Variants in TBC1D10A observed in about 807,000 individuals in gnomAD.
TBC1D10A encodes the protein TBC1 domain family member 10A.
TBC1D10A carries 24 observed loss-of-function variants against 52.9 expected under a neutral mutation model. The ratio of observed to expected loss-of-function variants is 0.45; its 90% CI spans 0.33 to 0.64. The LOEUF is 0.64. TBC1D10A is among the 30% of genes least tolerant of loss of function. The pLI is 0.02. For synonymous variants in TBC1D10A, 278 were observed against 282.9 expected (o/e 0.98, Z 0.17); for missense variants, 602 against 687.9 (o/e 0.88, Z 1.40).
At chr22:30,321,303 C>T (rs1930647518) in intron 1 of TBC1D10A, among the ~76,000 whole-genome samples, 1 of 152,184 alleles carries the variant, frequency 6.6e-6, no homozygotes, top group Non-Finnish European at 1.5e-5. Context: ...CAAATGCCTC[C>T]TTCCAGATGG....
intron 2 of TBC1D10A, among the ~76,000 whole-genome samples, chr22:30,302,027 C>T (rs750542094): frequency 7.9e-5 from 12 of 152,188 alleles, no homozygotes; most frequent in Non-Finnish European, 1.6e-4. Flanking sequence ...AAGAGGCAGC[C>T]CCACATCATC....
In TBC1D10A at chr22:30,292,340, TGGAGACCCC is replaced by T; in HGVS notation, c.*26_*34del. 6.6e-7 allele frequency: 1 copy of T among 1,506,802 alleles called. No individual in the cohort carries two copies. Among genetic ancestry groups the T allele is most frequent in the Non-Finnish European group, 8.9e-7 (1 of 1,123,486 alleles). The allele number at this position is 1,506,802 out of a possible 1,614,324, so 93.3% of individuals were successfully genotyped here. The stretch of plus-strand genomic sequence containing the variant: ...TCAGTTCATGAACCGTGTAGTTATA[TGGAGACCCC>T]GCCCTGGAGGCCTTAGCTGCCAGGG... On this transcript the variant is annotated 3_prime_UTR_variant, in exon 9 of 9. Coordinates refer to ENST00000215790, the MANE Select transcript of TBC1D10A (RefSeq NM_031937.3).
chr22:30,293,046 T>C, intron 8 of TBC1D10A, 195 bp from the exon 9 acceptor site: 1 of 640,384 alleles, frequency 1.6e-6, no homozygotes, highest in Non-Finnish European at 2.7e-6. Flanking sequence ...GCTGGACACT[T>C]GAGACCCACC....
chr22:30,293,257 C>T, intron 8 of TBC1D10A: 1 of 604,712 alleles, frequency 1.7e-6, no homozygotes, highest in Non-Finnish European at 3.2e-6. Flanking sequence ...AGTGATTCTG[C>T]CTCTGTGAGC....
chr22:30,305,041 G>T (rs1045206168), intron 1 of TBC1D10A, among the ~76,000 whole-genome samples: 1 of 152,230 alleles, frequency 6.6e-6, no homozygotes, highest in Non-Finnish European at 1.5e-5. Context: ...AACGAGTACA[G>T]AAATAATATG....
Position 30,292,337 on chromosome 22 carries a change from A to G in TBC1D10A, c.*38T>C. On this transcript the variant is annotated 3_prime_UTR_variant, in exon 9 of 9. Transcript: ENST00000215790. ...ATGTCAGTTCATGAACCGTGTAGTT[A>G]TATGGAGACCCCGCCCTGGAGGCCT... 6.7e-7 allele frequency: 1 copy of G among 1,499,470 alleles called. No individual in the cohort carries two copies. Among genetic ancestry groups the G allele is most frequent in the Non-Finnish European group, 9.0e-7 (1 of 1,117,230 alleles). The allele number at this position is 1,499,470 out of a possible 1,614,324, so 92.9% of individuals were successfully genotyped here.
At position 30,292,374 on chromosome 22, in the gene TBC1D10A, G is replaced by C; in HGVS notation, c.*1C>G. The C allele has an allele frequency of 2.0e-6, 3 of 1,535,988 alleles. No homozygotes were observed. The highest frequency in any genetic ancestry group is 2.6e-6 in the Non-Finnish European group (3 of 1,141,178). On this transcript the variant is annotated 3_prime_UTR_variant, in exon 9 of 9. Transcript: ENST00000215790. ...CGCCCTGGAGGCCTTAGCTGCCAGG[G>C]TTACAAGTAGGTGTCCTCACTCTCT...
intron 3 of TBC1D10A, chr22:30,296,295 T>C (rs893501134): frequency 1.8e-5 from 3 of 163,126 alleles, no homozygotes; most frequent in African/African-American, 4.8e-5. Flanking sequence ...CCTCCAGAGA[T>C]AGGACCTATC....
intron 1 of TBC1D10A, among the ~76,000 whole-genome samples, chr22:30,317,944 G>A (rs1467236167): frequency 1.3e-5 from 2 of 152,174 alleles, no homozygotes; most frequent in East Asian, 1.9e-4. Context: ...CCATGGTTGG[G>A]TGAGGGATGT....
At chr22:30,309,531 T>C (rs924699172) in intron 1 of TBC1D10A, among the ~76,000 whole-genome samples, 23 of 152,274 alleles carry the variant, frequency 1.5e-4, no homozygotes, top group African/African-American at 5.5e-4. Flanking sequence ...GCCAGGGCAA[T>C]CTGCCATTTG....
chr22:30,326,553 G>T, intron 1 of TBC1D10A, 120 bp downstream of exon 1: 1 of 958,772 alleles, frequency 1.0e-6, no homozygotes, highest in South Asian at 1.8e-5. Flanking sequence ...GGGAGGGAAC[G>T]GGGATTAGTG....
At chr22:30,321,756 AAGG>A (rs1930656475) in intron 1 of TBC1D10A, among the ~76,000 whole-genome samples, 1 of 151,468 alleles carries the variant, frequency 6.6e-6, no homozygotes. Context: ...CACATAGGAA[AAGG>A]AGAAGAAGGT....
intron 8 of TBC1D10A, 73 bp from the exon 9 acceptor site, chr22:30,292,924 C>A: frequency 1.3e-6 from 2 of 1,525,576 alleles, no homozygotes; most frequent in South Asian, 1.2e-5. Flanking sequence ...CAGCCTGGGC[C>A]CCCAGTCTTC....
Position 30,294,087 on chromosome 22 carries a change from CT to C in TBC1D10A, c.728del (p.Glu243GlyfsTer29). The stretch of plus-strand genomic sequence containing the variant: ...CCTTCTGCAACAGCGAGAAAAGGAT[CT>C]CCCCGTCCAGCTGGATCGCCTCCTA... ...EKLEAIQLDGEILFSLLQKVS... is the reference protein window; with the variant it reads ...EKLEAIQLDGXILFSLLQKVS... On this transcript the variant is annotated frameshift_variant, in exon 7 of 9. Coordinates refer to ENST00000215790, the MANE Select transcript of TBC1D10A (RefSeq NM_031937.3). LOFTEE classifies it high-confidence loss of function. 1 of 1,613,996 alleles carries C rather than the reference CT, an allele frequency of 6.2e-7. No homozygotes were observed. The highest frequency in any genetic ancestry group is 8.5e-7 in the Non-Finnish European group (1 of 1,180,000).
chr22:30,312,980 GA>G (rs1159605198), intron 1 of TBC1D10A, among the ~76,000 whole-genome samples: 1 of 152,236 alleles, frequency 6.6e-6, no homozygotes, highest in African/African-American at 2.4e-5. Flanking sequence ...GGAGCATGTA[GA>G]AGGGGCTAGG....
intron 1 of TBC1D10A, among the ~76,000 whole-genome samples, chr22:30,321,055 G>A (rs5753065): frequency 0.044 from 6,681 of 152,240 alleles, 222 homozygotes; most frequent in East Asian, 0.15. Context: ...CATCAAGTAG[G>A]TGCTACCATC....
chr22:30,292,688 TG>T lies in TBC1D10A; in HGVS notation c.1213del (p.Gln405AsnfsTer10). The T allele has an allele frequency of 6.2e-7, 1 of 1,608,558 alleles. No individual in the cohort carries two copies. On this transcript the variant is annotated frameshift_variant, in exon 9 of 9. Coordinates refer to ENST00000215790, the MANE Select transcript of TBC1D10A (RefSeq NM_031937.3). LOFTEE classifies it low-confidence loss of function (END_TRUNC). ...GGGCAGGCGGATGGATGGTGAAGGT[TG>T]TAGGGCAGGCCGGGGACCAGGTTCT... is the stretch of plus-strand genomic sequence containing the variant. ...DAEPGPRPALQPSPSIRLPLD... is the reference protein window; with the variant it reads ...DAEPGPRPALXPSPSIRLPLD...
chr22:30,313,341 ATGTGTGTGTGTG>A lies in TBC1D10A; in HGVS notation c.210-8723_210-8712del, dbSNP rs6147586. Among the ~76,000 whole-genome samples, 109 of 138,110 alleles carry A rather than the reference ATGTGTGTGTGTG, an allele frequency of 7.9e-4. 1 individual carries two copies. Among genetic ancestry groups the A allele is most frequent in the Middle Eastern group, 3.5e-3 (1 of 286 alleles). The allele number at this position is 138,110 out of a possible 152,430, so 90.6% of individuals were successfully genotyped here. A position where few individuals can be genotyped will look rare whatever the true frequency, so the allele number is the denominator to read the frequency against. ...CTGATACCTAGCTGGTGCTCAATAAATGTGTGTGTGTGTGTGTGTGTGTGTGTGTGTGTGTGT... is the reference window on the plus strand; with the variant it reads ...CTGATACCTAGCTGGTGCTCAATAAATGTGTGTGTGTGTGTGTGTGTGTGT... On this transcript the variant is annotated intron_variant, in intron 1 of 8. Coordinates refer to ENST00000215790, the MANE Select transcript of TBC1D10A (RefSeq NM_031937.3).
chr22:30,326,125 G>C (rs1053010069), intron 1 of TBC1D10A, among the ~76,000 whole-genome samples: 1 of 151,276 alleles, frequency 6.6e-6, no homozygotes, highest in Admixed American at 6.6e-5. Flanking sequence ...TATGCCTCGA[G>C]GAAAGGGTCA....
Sources: gnomAD v4.1 joint callset for allele counts (sites outside exome capture counted in the v4.1 genomes callset) on GRCh38, gnomAD v4.1.1 for gene constraint, MANE v1.5 for transcripts, NCBI Gene and HGNC (gene_info 2026-07-23, HGNC 2026-07-21) for gene names.